The following CRPPA variants were observed in gnomAD, a reference collection of about 807,000 sequenced individuals.
CRPPA encodes CDP-L-ribitol pyrophosphorylase A.
A neutral mutation model predicts 52.0 loss-of-function variants in CRPPA; 43 were observed. The observed-to-expected ratio is 0.83, with a 90% CI of 0.65 to 1.07. CRPPA has a LOEUF of 1.07. Among genes scored for constraint, CRPPA ranks in the 50% least tolerant of loss-of-function variants. The probability of loss-of-function intolerance (pLI) is 0.00; values close to 1 mark genes in which losing one functional copy is unlikely to be tolerated. For missense variants in CRPPA, 629 were observed against 551.7 expected, an observed-to-expected ratio of 1.14 and a Z score of -1.40; for synonymous variants, 250 against 203.5, an observed-to-expected ratio of 1.23 and a Z score of -1.94.
chr7:16,418,395 T>G (rs1788245674), intron 1 of CRPPA, among the ~76,000 whole-genome samples: 1 of 152,208 alleles, frequency 6.6e-6, no homozygotes, highest in African/African-American at 2.4e-5. Flanking sequence ...ACAAGGCCTT[T>G]CCAAACATTA....
chr7:16,393,207 A>G (rs1787486246), intron 2 of CRPPA, among the ~76,000 whole-genome samples: 1 of 152,182 alleles, frequency 6.6e-6, no homozygotes, highest in South Asian at 2.1e-4. Flanking sequence ...ACTACTTCTT[A>G]GGAAACATTA....
chr7:16,297,889 C>A (rs1156440226), intron 5 of CRPPA, among the ~76,000 whole-genome samples: 1 of 152,204 alleles, frequency 6.6e-6, no homozygotes, highest in Non-Finnish European at 1.5e-5. Flanking sequence ...TCACATGAGC[C>A]AATCCCTCAA....
chr7:16,276,223 A>C (rs1438816745), intron 6 of CRPPA, among the ~76,000 whole-genome samples: 2 of 152,152 alleles, frequency 1.3e-5, no homozygotes, highest in Admixed American at 1.3e-4. Context: ...ATCCAACAGG[A>C]ATCTCTGAAG....
At chr7:16,399,764 G>A (rs1249001958) in intron 2 of CRPPA, among the ~76,000 whole-genome samples, 2 of 152,110 alleles carry the variant, frequency 1.3e-5, no homozygotes, top group Non-Finnish European at 2.9e-5. Context: ...TCTCACAAGT[G>A]ACAAGTGGCT....
At chr7:16,314,627 G>A (rs1785104607) in intron 3 of CRPPA, among the ~76,000 whole-genome samples, 1 of 151,902 alleles carries the variant, frequency 6.6e-6, no homozygotes, top group Non-Finnish European at 1.5e-5. Context: ...ATTTTTGTTT[G>A]TCTGCTAAAG....
chr7:16,211,465 T>C (rs1186568044), intron 9 of CRPPA, among the ~76,000 whole-genome samples: 1 of 152,242 alleles, frequency 6.6e-6, no homozygotes, highest in African/African-American at 2.4e-5. Flanking sequence ...TGCCATATGA[T>C]TCGGTGCCAT....
intron 1 of CRPPA, among the ~76,000 whole-genome samples, chr7:16,417,837 T>C (rs1184166346): frequency 6.6e-6 from 1 of 152,184 alleles, no homozygotes; most frequent in Non-Finnish European, 1.5e-5. Flanking sequence ...ATACAGCCCT[T>C]GAAAAACAAG....
intron 2 of CRPPA, among the ~76,000 whole-genome samples, chr7:16,399,247 G>A (rs571618189): frequency 4.3e-4 from 66 of 152,206 alleles, no homozygotes; most frequent in African/African-American, 7.7e-4. Context: ...GGATTGAATC[G>A]CACAGGTCCA....
At chr7:16,243,130 C>T (rs886592326) in intron 8 of CRPPA, among the ~76,000 whole-genome samples, 2 of 152,172 alleles carry the variant, frequency 1.3e-5, no homozygotes, top group Middle Eastern at 3.4e-3. Context: ...GGTGGTTTCC[C>T]CCATGCTGTT....
chr7:16,120,283 T>A (rs1181422841), intron 9 of CRPPA, among the ~76,000 whole-genome samples: 1 of 152,154 alleles, frequency 6.6e-6, no homozygotes, highest in Non-Finnish European at 1.5e-5. Context: ...CCACCCTCAA[T>A]GTCTTATCAA....
chr7:16,115,740 G>C (rs376543382), intron 9 of CRPPA, among the ~76,000 whole-genome samples: 2 of 152,266 alleles, frequency 1.3e-5, no homozygotes, highest in East Asian at 3.9e-4. Context: ...CATTGTGAAG[G>C]ACAACATAAG....
intron 3 of CRPPA, among the ~76,000 whole-genome samples, chr7:16,314,818 C>T (rs1357187556): frequency 6.6e-6 from 1 of 151,872 alleles, no homozygotes; most frequent in Non-Finnish European, 1.5e-5. Context: ...TTTTTCTTGT[C>T]TTTTGCTTTT....
At chr7:16,329,032 T>C (rs892639206) in intron 3 of CRPPA, among the ~76,000 whole-genome samples, 1 of 152,192 alleles carries the variant, frequency 6.6e-6, no homozygotes, top group African/African-American at 2.4e-5. Context: ...AAGTCCACAA[T>C]GGCAAAATTC....
intron 9 of CRPPA, among the ~76,000 whole-genome samples, chr7:16,192,801 T>C (rs1365916777): frequency 6.6e-6 from 1 of 152,148 alleles, no homozygotes; most frequent in East Asian, 1.9e-4. Context: ...TCCAATTCTA[T>C]AACAATTTGC....
intron 8 of CRPPA, among the ~76,000 whole-genome samples, chr7:16,254,825 G>GA (rs1212783807): frequency 6.8e-6 from 1 of 147,218 alleles, no homozygotes; most frequent in African/African-American, 2.5e-5. Context: ...AAGAAAGAAA[G>GA]AAAGAAAGAA....
chr7:16,330,721 A>G (rs1295785431), intron 3 of CRPPA, among the ~76,000 whole-genome samples: 1 of 152,158 alleles, frequency 6.6e-6, no homozygotes, highest in Non-Finnish European at 1.5e-5. Flanking sequence ...TCCTGCTTCC[A>G]GCAGGGAGAA....
At chr7:16,176,899 T>C (rs1781310986) in intron 9 of CRPPA, among the ~76,000 whole-genome samples, 1 of 152,174 alleles carries the variant, frequency 6.6e-6, no homozygotes, top group South Asian at 2.1e-4. Context: ...CACAAAATCT[T>C]GAAACAAAAT....
intron 3 of CRPPA, among the ~76,000 whole-genome samples, chr7:16,340,959 A>G (rs1785810387): frequency 6.6e-6 from 1 of 152,184 alleles, no homozygotes; most frequent in African/African-American, 2.4e-5. Context: ...AAACATGGAG[A>G]AACTTTAAAT....
intron 4 of CRPPA, among the ~76,000 whole-genome samples, chr7:16,304,027 G>A (rs980352823): frequency 2.0e-5 from 3 of 152,156 alleles, no homozygotes; most frequent in Non-Finnish European, 4.4e-5. Flanking sequence ...TTAGAAACAA[G>A]ATGTCTGTTC....
Sources: gnomAD v4.1 joint callset for allele counts (sites outside exome capture counted in the v4.1 genomes callset) on GRCh38, gnomAD v4.1.1 for gene constraint, MANE v1.5 for transcripts, NCBI Gene and HGNC (gene_info 2026-07-23, HGNC 2026-07-21) for gene names.